LRRC4C: variants seen among roughly 807,000 people sequenced by gnomAD.
LRRC4C encodes leucine rich repeat containing 4C, also known as leucine-rich repeat-containing protein 4C.
Under a neutral mutation model 33.6 loss-of-function variants are expected in LRRC4C, and 5 were observed. That is an observed-to-expected ratio of 0.15 (90% CI 0.08 to 0.31). The LOEUF (loss-of-function observed/expected upper bound fraction) is 0.31. Ranked by LOEUF, LRRC4C falls within the 10% of genes least tolerant of loss-of-function variation. The probability of loss-of-function intolerance (pLI) is 1.00; values close to 1 mark genes in which losing one functional copy is unlikely to be tolerated. For missense variants in LRRC4C, 560 were observed against 796.7 expected, an observed-to-expected ratio of 0.70 and a Z score of 3.58; for synonymous variants, 329 against 302.0, an observed-to-expected ratio of 1.09 and a Z score of -0.93.
intron 3 of LRRC4C, among the ~76,000 whole-genome samples, chr11:40,546,626 A>T (rs1456222037): frequency 6.6e-6 from 1 of 152,122 alleles, no homozygotes; most frequent in Non-Finnish European, 1.5e-5. Context: ...ACCTACAGAA[A>T]TAAATAGTTG....
At chr11:40,997,769 C>CT (rs974871358) in intron 1 of LRRC4C, among the ~76,000 whole-genome samples, 1 of 152,000 alleles carries the variant, frequency 6.6e-6, no homozygotes, top group African/African-American at 2.4e-5. Flanking sequence ...ACAGGGAGGG[C>CT]TGTTCCACTG....
intron 1 of LRRC4C, among the ~76,000 whole-genome samples, chr11:41,075,027 T>TTTTTTTTTTTTTA (rs764193977): frequency 5.1e-4 from 52 of 102,892 alleles, no homozygotes; most frequent in South Asian, 2.3e-3. Context: ...TTTTTTTTTT[T>TTTTTTTTTTTTTA]TTTTTTTTTA....
chr11:40,298,607 G>T (rs919427471), intron 4 of LRRC4C, among the ~76,000 whole-genome samples: 2 of 151,986 alleles, frequency 1.3e-5, no homozygotes, highest in South Asian at 4.2e-4. Context: ...TGAGCCCATT[G>T]TCAGGGAATA....
At chr11:41,114,825 T>A (rs1484703546) in intron 1 of LRRC4C, among the ~76,000 whole-genome samples, 1 of 152,126 alleles carries the variant, frequency 6.6e-6, no homozygotes, top group Admixed American at 6.6e-5. Flanking sequence ...AGGTAATCTA[T>A]AATTCCACTG....
At chr11:41,058,050 T>C (rs1227152075) in intron 1 of LRRC4C, among the ~76,000 whole-genome samples, 3 of 152,284 alleles carry the variant, frequency 2.0e-5, no homozygotes, top group Middle Eastern at 3.4e-3. Context: ...GGACAAGAAC[T>C]TGGGACCCAC....
chr11:40,739,424 C>T (rs61887985), intron 2 of LRRC4C, among the ~76,000 whole-genome samples: 320 of 149,996 alleles, frequency 2.1e-3, no homozygotes, highest in Non-Finnish European at 3.3e-3. Context: ...CTTCCATTCT[C>T]TGTGTGTGTG....
At chr11:40,754,696 G>C (rs1371904241) in intron 2 of LRRC4C, among the ~76,000 whole-genome samples, 1 of 151,962 alleles carries the variant, frequency 6.6e-6, no homozygotes, top group Non-Finnish European at 1.5e-5. Context: ...TAACAAAGCA[G>C]TATCTTAAGA....
At chr11:40,673,761 TGA>T (rs1230519293) in intron 2 of LRRC4C, among the ~76,000 whole-genome samples, 5 of 152,178 alleles carry the variant, frequency 3.3e-5, no homozygotes, top group Admixed American at 6.5e-5. Context: ...TTTCCTCCAC[TGA>T]GAGGATTAAA....
chr11:41,180,839 C>T (rs573777713), intron 1 of LRRC4C, among the ~76,000 whole-genome samples: 3 of 151,804 alleles, frequency 2.0e-5, no homozygotes, highest in South Asian at 2.1e-4. Context: ...AAATCCCTGC[C>T]GCAGAACATC....
At chr11:41,413,932 C>T (rs1431494095) in intron 1 of LRRC4C, among the ~76,000 whole-genome samples, 1 of 152,086 alleles carries the variant, frequency 6.6e-6, no homozygotes, top group African/African-American at 2.4e-5. Context: ...TAACTTGGAG[C>T]CTCCTAGCAA....
intron 1 of LRRC4C, among the ~76,000 whole-genome samples, chr11:41,085,351 T>C (rs1939889698): frequency 6.6e-6 from 1 of 152,080 alleles, no homozygotes; most frequent in Non-Finnish European, 1.5e-5. Flanking sequence ...AAAAAAAATA[T>C]AATGAATCTT....
At chr11:41,221,807 T>C (rs1282992575) in intron 1 of LRRC4C, among the ~76,000 whole-genome samples, 2 of 152,220 alleles carry the variant, frequency 1.3e-5, no homozygotes, top group African/African-American at 2.4e-5. Flanking sequence ...TCAACTGGCA[T>C]AGAGACAAAT....
chr11:40,474,667 T>G lies in LRRC4C; in HGVS notation c.-269-154946A>C, dbSNP rs1390145743. On this transcript the variant is annotated intron_variant, in intron 3 of 6. Transcript: ENST00000528697. ...AGGCAACCTACAGAATGGGAGAAAA[T>G]TTTTGCAATTTATTCATCTGACAAA... Among the ~76,000 whole-genome samples the G allele has an allele frequency of 2.0e-5, 3 of 151,946 alleles. No homozygotes were observed. The East Asian group carries it at 5.8e-4, about 29-fold the overall frequency.
chr11:40,972,458 G>A (rs1051870833), intron 1 of LRRC4C, among the ~76,000 whole-genome samples: 2 of 152,086 alleles, frequency 1.3e-5, no homozygotes, highest in African/African-American at 2.4e-5. Context: ...ATGTGAGAAG[G>A]ACATGAGATT....
At chr11:40,773,771 C>G (rs1949861930) in intron 2 of LRRC4C, among the ~76,000 whole-genome samples, 1 of 151,980 alleles carries the variant, frequency 6.6e-6, no homozygotes, top group Non-Finnish European at 1.5e-5. Context: ...ACTTGCCCAA[C>G]TATATGTGGG....
chr11:40,323,014 T>G (rs923340764), intron 3 of LRRC4C, among the ~76,000 whole-genome samples: 1 of 152,342 alleles, frequency 6.6e-6, no homozygotes, highest in Non-Finnish European at 1.5e-5. Flanking sequence ...TAACTTTATT[T>G]GACTCACCAA....
chr11:40,570,131 A>T (rs1957923967), intron 3 of LRRC4C, among the ~76,000 whole-genome samples: 1 of 152,140 alleles, frequency 6.6e-6, no homozygotes, highest in African/African-American at 2.4e-5. Context: ...CACATAATTT[A>T]TATGTATATT....
At chr11:41,413,852 C>T (rs1048593860) in intron 1 of LRRC4C, among the ~76,000 whole-genome samples, 1 of 152,180 alleles carries the variant, frequency 6.6e-6, no homozygotes, top group African/African-American at 2.4e-5. Context: ...GGGCTTGTTT[C>T]CTATAGCAAG....
intron 3 of LRRC4C, among the ~76,000 whole-genome samples, chr11:40,488,885 T>G (rs921637089): frequency 1.1e-4 from 17 of 152,088 alleles, no homozygotes; most frequent in African/African-American, 4.1e-4. Flanking sequence ...CAGTGAATGA[T>G]CTTATGCCTG....
Sources: gnomAD v4.1 joint callset for allele counts (sites outside exome capture counted in the v4.1 genomes callset) on GRCh38, gnomAD v4.1.1 for gene constraint, MANE v1.5 for transcripts, NCBI Gene and HGNC (gene_info 2026-07-23, HGNC 2026-07-21) for gene names.